Variants in ARHGAP24 observed in about 807,000 individuals in gnomAD.
The protein encoded by ARHGAP24 is rho GTPase-activating protein 24.
In ARHGAP24, 50 loss-of-function variants were observed where a neutral mutation model predicts 76.4. The ratio of observed to expected loss-of-function variants is 0.65; its 90% CI spans 0.52 to 0.83. The LOEUF is 0.83. ARHGAP24 is among the 40% of genes least tolerant of loss of function. ARHGAP24 has a pLI of 0.00. For synonymous variants in ARHGAP24, 345 were observed against 323.3 expected, an observed-to-expected ratio of 1.07 and a Z score of -0.72; for missense variants, 930 against 914.2, an observed-to-expected ratio of 1.02 and a Z score of -0.22.
intron 3 of ARHGAP24, among the ~76,000 whole-genome samples, chr4:85,842,195 C>CG (rs1163921689): frequency 6.6e-6 from 1 of 152,162 alleles, no homozygotes; most frequent in Non-Finnish European, 1.5e-5. Flanking sequence ...TTTGCCCCCC[C>CG]GGCTGAATGG....
chr4:85,927,654 G>A (rs894668550), intron 4 of ARHGAP24, among the ~76,000 whole-genome samples: 1 of 152,202 alleles, frequency 6.6e-6, no homozygotes, highest in Non-Finnish European at 1.5e-5. Context: ...AAATTTAGAA[G>A]AGGAGGTGAC....
intron 3 of ARHGAP24, among the ~76,000 whole-genome samples, chr4:85,745,256 T>C (rs562767200): frequency 2.1e-4 from 30 of 144,616 alleles, no homozygotes; most frequent in African/African-American, 6.6e-4. Context: ...CTGGGCAAGA[T>C]GGCGAGAGAC....
intron 3 of ARHGAP24, among the ~76,000 whole-genome samples, chr4:85,783,431 C>T (rs1377461902): frequency 6.6e-6 from 1 of 151,602 alleles, no homozygotes; most frequent in Non-Finnish European, 1.5e-5. Flanking sequence ...TTGATTATTT[C>T]AGAACTGAAA....
At chr4:85,803,613 G>T (rs889439772) in intron 3 of ARHGAP24, among the ~76,000 whole-genome samples, 1 of 152,132 alleles carries the variant, frequency 6.6e-6, no homozygotes, top group Non-Finnish European at 1.5e-5. Flanking sequence ...AAAATATTGA[G>T]ATTCTTCTGT....
chr4:85,819,640 C>T (rs983234859), intron 3 of ARHGAP24, among the ~76,000 whole-genome samples: 1 of 152,062 alleles, frequency 6.6e-6, no homozygotes, highest in African/African-American at 2.4e-5. Context: ...ATAGACTGGC[C>T]AGGTGCGGTG....
chr4:85,512,408 T>A (rs1012088804), intron 1 of ARHGAP24, among the ~76,000 whole-genome samples: 3 of 152,266 alleles, frequency 2.0e-5, no homozygotes, highest in African/African-American at 7.2e-5. Flanking sequence ...CCAAGCTTAG[T>A]ACCTGGCTTA....
intron 3 of ARHGAP24, among the ~76,000 whole-genome samples, chr4:85,730,986 G>GCACACA (rs200255967): frequency 1.6e-3 from 213 of 133,924 alleles, no homozygotes; most frequent in Middle Eastern, 4.1e-3. Context: ...TAATATAACT[G>GCACACA]CACACACACA....
At chr4:85,854,933 T>G (rs778345686) in intron 3 of ARHGAP24, among the ~76,000 whole-genome samples, 47 of 152,304 alleles carry the variant, frequency 3.1e-4, no homozygotes, top group Admixed American at 7.8e-4. Flanking sequence ...AAGGGACTAT[T>G]TACAGGACTT....
intron 1 of ARHGAP24, among the ~76,000 whole-genome samples, chr4:85,546,705 A>T (rs1235109940): frequency 6.6e-6 from 1 of 152,172 alleles, no homozygotes; most frequent in Non-Finnish European, 1.5e-5. Context: ...CTTGAAACCT[A>T]TTGGTGGTGG....
chr4:85,591,448 C>T (rs1441619769), intron 2 of ARHGAP24, among the ~76,000 whole-genome samples: 3 of 152,142 alleles, frequency 2.0e-5, no homozygotes, highest in East Asian at 1.9e-4. Flanking sequence ...ACACACATTT[C>T]CATCACATTT....
chr4:85,514,150 C>T (rs1724394202), intron 1 of ARHGAP24, among the ~76,000 whole-genome samples: 1 of 152,144 alleles, frequency 6.6e-6, no homozygotes, highest in African/African-American at 2.4e-5. Context: ...GCCCCAGACT[C>T]CATCTTTCTA....
At chr4:85,952,818 AAAAC>A (rs917678239) in intron 5 of ARHGAP24, among the ~76,000 whole-genome samples, 4 of 152,326 alleles carry the variant, frequency 2.6e-5, no homozygotes, top group Non-Finnish European at 4.4e-5. Flanking sequence ...GTCAACTGTA[AAAAC>A]AAACAAACAA....
intron 7 of ARHGAP24, among the ~76,000 whole-genome samples, chr4:85,975,214 G>A (rs921973182): frequency 6.6e-5 from 10 of 152,164 alleles, no homozygotes; most frequent in Non-Finnish European, 1.2e-4. Context: ...CTTCAATCAA[G>A]TTTTTTGTAC....
intron 5 of ARHGAP24, among the ~76,000 whole-genome samples, chr4:85,962,911 C>T (rs940538769): frequency 3.3e-5 from 5 of 151,616 alleles, no homozygotes; most frequent in Admixed American, 6.6e-5. Context: ...GAGAAGAGAA[C>T]AACATCCCAC....
At chr4:85,948,096 TTACTACATCTCTTATTC>T (rs1737396791) in intron 5 of ARHGAP24, among the ~76,000 whole-genome samples, 1 of 152,164 alleles carries the variant, frequency 6.6e-6, no homozygotes, top group African/African-American at 2.4e-5. Flanking sequence ...TATTCTATAC[TTACTACATCTCTTATTC>T]TATTACATCT....
intron 3 of ARHGAP24, among the ~76,000 whole-genome samples, chr4:85,747,874 A>T (rs1726109638): frequency 6.6e-6 from 1 of 152,232 alleles, no homozygotes; most frequent in African/African-American, 2.4e-5. Context: ...TGGTGCTGTG[A>T]ATAAGTAAAG....
At chr4:85,676,594 CTT>C (rs1261790052) in intron 2 of ARHGAP24, among the ~76,000 whole-genome samples, 1 of 152,022 alleles carries the variant, frequency 6.6e-6, no homozygotes, top group Non-Finnish European at 1.5e-5. Context: ...AAATGTTTGT[CTT>C]GTTTCTCCTA....
At chr4:85,584,105 G>T (rs1462291160) in intron 2 of ARHGAP24, among the ~76,000 whole-genome samples, 2 of 150,948 alleles carry the variant, frequency 1.3e-5, no homozygotes, top group African/African-American at 2.5e-5. Context: ...TATACCCAAA[G>T]GACTATAAAT....
intron 8 of ARHGAP24, among the ~76,000 whole-genome samples, chr4:85,993,309 C>T (rs921662738): frequency 2.6e-5 from 4 of 152,108 alleles, no homozygotes; most frequent in Non-Finnish European, 4.4e-5. Flanking sequence ...CCACCCAATG[C>T]CTACTGAATT....
Sources: allele counts gnomAD v4.1 joint callset (sites outside exome capture counted in the v4.1 genomes callset), GRCh38; gene constraint gnomAD v4.1.1; transcripts MANE v1.5; gene names NCBI Gene and HGNC (gene_info 2026-07-23, HGNC 2026-07-21).